Variants in MSI2 observed in about 807,000 individuals in gnomAD.
The protein encoded by MSI2 is RNA-binding protein Musashi homolog 2.
In MSI2, 17 loss-of-function variants were observed where a neutral mutation model predicts 45.6. The ratio of observed to expected loss-of-function variants is 0.37; its 90% CI spans 0.26 to 0.56. MSI2 has a LOEUF of 0.56. Among genes scored for constraint, MSI2 ranks in the 20% least tolerant of loss-of-function variants. The probability of loss-of-function intolerance (pLI) is 0.77; values close to 1 mark genes in which losing one functional copy is unlikely to be tolerated. For missense variants in MSI2, 293 were observed against 444.2 expected (o/e 0.66, Z 3.06); for synonymous variants, 156 against 158.2 (o/e 0.99, Z 0.11).
chr17:57,320,452 G>A (rs1239874004), intron 5 of MSI2, among the ~76,000 whole-genome samples: 3 of 152,160 alleles, frequency 2.0e-5, no homozygotes, highest in Non-Finnish European at 4.4e-5. Flanking sequence ...AGATAATAGG[G>A]AGGATTGTTA....
chr17:57,301,443 G>A (rs1911411952), intron 5 of MSI2, among the ~76,000 whole-genome samples: 1 of 152,164 alleles, frequency 6.6e-6, no homozygotes, highest in Non-Finnish European at 1.5e-5. Flanking sequence ...GTGTAAATAG[G>A]AATACTCACA....
At chr17:57,615,219 C>T (rs1907567535) in intron 8 of MSI2, among the ~76,000 whole-genome samples, 1 of 151,648 alleles carries the variant, frequency 6.6e-6, no homozygotes, top group African/African-American at 2.4e-5. Flanking sequence ...CCTTGACCTC[C>T]CAGACTCAGG....
intron 5 of MSI2, among the ~76,000 whole-genome samples, chr17:57,316,939 G>GAA (rs5821173): frequency 2.4e-4 from 35 of 145,586 alleles, no homozygotes; most frequent in Admixed American, 1.0e-3. Context: ...TTTGAGGCAG[G>GAA]AAAAAAAAAA....
At chr17:57,579,028 G>A (rs1016336296) in intron 7 of MSI2, among the ~76,000 whole-genome samples, 2 of 152,112 alleles carry the variant, frequency 1.3e-5, no homozygotes, top group South Asian at 4.1e-4. Flanking sequence ...TTGTGAGCTG[G>A]GGATGGAATT....
intron 7 of MSI2, among the ~76,000 whole-genome samples, chr17:57,544,322 G>A (rs8071711): frequency 0.019 from 2,945 of 152,252 alleles, 31 homozygotes; most frequent in Middle Eastern, 0.024. Flanking sequence ...CCCTGATAAG[G>A]CCTAGTACCC....
chr17:57,470,435 G>A (rs1414680058), intron 6 of MSI2, among the ~76,000 whole-genome samples: 1 of 152,066 alleles, frequency 6.6e-6, no homozygotes, highest in Non-Finnish European at 1.5e-5. Flanking sequence ...GCACCACCAT[G>A]CCTGGCTAAT....
intron 6 of MSI2, among the ~76,000 whole-genome samples, chr17:57,438,998 C>T (rs539237828): frequency 6.6e-6 from 1 of 152,248 alleles, no homozygotes; most frequent in African/African-American, 2.4e-5. Flanking sequence ...AATGGAGTTT[C>T]ACCATGTTGG....
Position 57,636,532 on chromosome 17 carries a change from G to A in MSI2, c.727+9229G>A, listed in dbSNP as rs572338869. ...GGCGAGACCCCGGGGTGCGCTCAGG[G>A]AGCTGCTTCCTGCCTTGGCGTCTCC... On this transcript the variant is annotated intron_variant, in intron 10 of 13. Coordinates refer to ENST00000284073, the MANE Select transcript of MSI2 (RefSeq NM_138962.4). Among the ~76,000 whole-genome samples, 13 of 152,280 alleles carry A rather than the reference G, an allele frequency of 8.5e-5. No individual in the cohort carries two copies. The East Asian group carries it at 9.7e-4, about 11-fold the overall frequency.
chr17:57,361,734 A>G (rs937557692), intron 5 of MSI2, among the ~76,000 whole-genome samples: 2 of 152,212 alleles, frequency 1.3e-5, no homozygotes, highest in African/African-American at 4.8e-5. Flanking sequence ...ATGAGAAGGA[A>G]GAAGAGGGAT....
chr17:57,387,839 GA>G (rs1489037006), intron 5 of MSI2, among the ~76,000 whole-genome samples: 1 of 152,208 alleles, frequency 6.6e-6, no homozygotes, highest in Non-Finnish European at 1.5e-5. Flanking sequence ...AGGTGGTGGG[GA>G]GGGGGAAGAG....
intron 8 of MSI2, among the ~76,000 whole-genome samples, chr17:57,615,137 T>TC (rs1907558694): frequency 6.6e-6 from 1 of 151,100 alleles, no homozygotes; most frequent in African/African-American, 2.4e-5. Context: ...TTTTTTTTTT[T>TC]TTTTTTTTAA....
chr17:57,377,576 A>G (rs2083521175), intron 5 of MSI2, among the ~76,000 whole-genome samples: 2 of 152,374 alleles, frequency 1.3e-5, no homozygotes, highest in South Asian at 4.1e-4. Context: ...GGAAGTCATC[A>G]TCTTTACAAC....
At chr17:57,380,157 C>T (rs1405699489) in intron 5 of MSI2, among the ~76,000 whole-genome samples, 2 of 152,128 alleles carry the variant, frequency 1.3e-5, no homozygotes, top group Non-Finnish European at 2.9e-5. Flanking sequence ...TCTTCCCGCT[C>T]TTATTATTAG....
chr17:57,475,593 A>G (rs139679059), intron 6 of MSI2, among the ~76,000 whole-genome samples: 20 of 152,304 alleles, frequency 1.3e-4, no homozygotes, highest in Non-Finnish European at 2.4e-4. Context: ...TAAAACAAAC[A>G]TATGAGGAAA....
At chr17:57,302,404 G>A (rs1911488070) in intron 5 of MSI2, among the ~76,000 whole-genome samples, 1 of 152,190 alleles carries the variant, frequency 6.6e-6, no homozygotes, top group South Asian at 2.1e-4. Context: ...GCCACGGTGT[G>A]CCCGGCCTAG....
In MSI2 at chr17:57,512,968, C is replaced by CTTTTTTTTTTTTTTTTTTTT. The variant is rs34727727; in HGVS notation, c.406-16691_406-16690insTTTTTTTTTTTTTTTTTTTT. Among the ~76,000 whole-genome samples, 4 of 114,718 alleles carry CTTTTTTTTTTTTTTTTTTTT rather than the reference C, an allele frequency of 3.5e-5. 1 individual carries two copies. The allele number at this position is 114,718 out of a possible 152,430, so 75.3% of individuals were successfully genotyped here. Reference sequence around the variant, plus strand: ...ATATTGCACATGAATTAGCTTCTTCCTTTTTTTTTTTTTTTTTCCTTCTGA... The same window carrying CTTTTTTTTTTTTTTTTTTTT: ...ATATTGCACATGAATTAGCTTCTTCCTTTTTTTTTTTTTTTTTTTTTTTTTTTTTTTTTTTTTCCTTCTGA... On this transcript the variant is annotated intron_variant, in intron 6 of 13. Transcript: ENST00000284073.
chr17:57,561,187 G>A (rs532588216), intron 7 of MSI2, among the ~76,000 whole-genome samples: 78 of 152,314 alleles, frequency 5.1e-4, no homozygotes, highest in African/African-American at 1.7e-3. Context: ...GCGAAGTGAT[G>A]AAACCACAGC....
chr17:57,490,365 A>G (rs886997930), intron 6 of MSI2, among the ~76,000 whole-genome samples: 2 of 152,252 alleles, frequency 1.3e-5, no homozygotes, highest in African/African-American at 4.8e-5. Flanking sequence ...AAGTGGCTAC[A>G]GTGCCAAAAG....
At chr17:57,536,347 G>A (rs1412882629) in intron 7 of MSI2, among the ~76,000 whole-genome samples, 3 of 152,318 alleles carry the variant, frequency 2.0e-5, no homozygotes, top group African/African-American at 4.8e-5. Flanking sequence ...TGGCCAGAAA[G>A]GGCACAGTCC....
Sources: gnomAD v4.1 joint callset for allele counts (sites outside exome capture counted in the v4.1 genomes callset) on GRCh38, gnomAD v4.1.1 for gene constraint, MANE v1.5 for transcripts, NCBI Gene and HGNC (gene_info 2026-07-23, HGNC 2026-07-21) for gene names.